Variants in KLRG2 observed in about 807,000 individuals in gnomAD.
KLRG2 encodes killer cell lectin-like receptor subfamily G member 2.
In KLRG2, 39 loss-of-function variants were observed where a neutral mutation model predicts 35.4. That is an observed-to-expected ratio of 1.10 (90% CI 0.85 to 1.44). The LOEUF is 1.44. Ranked by LOEUF, KLRG2 falls within the 40% of genes most tolerant of loss-of-function variation. KLRG2 has a pLI of 0.00. For missense variants in KLRG2, 632 were observed against 570.9 expected (o/e 1.11, Z -1.09); for synonymous variants, 283 against 265.8 (o/e 1.06, Z -0.63).
At chr7:139,472,968 G>C (rs1431522305) in intron 3 of KLRG2, among the ~76,000 whole-genome samples, 1 of 152,210 alleles carries the variant, frequency 6.6e-6, no homozygotes, top group African/African-American at 2.4e-5. Flanking sequence ...ACAGGGTTCA[G>C]TTAAGGGTGA....
the KLRG2 span, among the ~76,000 whole-genome samples, chr7:139,427,440 G>A: frequency 6.6e-6 from 1 of 152,158 alleles, no homozygotes; most frequent in Non-Finnish European, 1.5e-5. Flanking sequence ...TAAGAGATGG[G>A]GCCAGCCAAG....
At chr7:139,444,445 T>C in the KLRG2 span, among the ~76,000 whole-genome samples, 3 of 152,162 alleles carry the variant, frequency 2.0e-5, no homozygotes, top group Non-Finnish European at 2.9e-5. Context: ...GTCTCCCAAA[T>C]TGCTGGTATT....
At chr7:139,465,757 A>G (rs1796643207) in intron 3 of KLRG2, among the ~76,000 whole-genome samples, 1 of 152,108 alleles carries the variant, frequency 6.6e-6, no homozygotes, top group South Asian at 2.1e-4. Context: ...GCAGCCATCA[A>G]AAGGCATCAG....
At position 139,453,473 on chromosome 7, in the gene KLRG2, G is replaced by A. The variant is rs1371806688; in HGVS notation, c.*114C>T. 9.7e-6 allele frequency: 11 copies of A among 1,129,150 alleles called. No homozygotes were observed. The Admixed American group carries it at 1.7e-4, about 18-fold the overall frequency. The allele number at this position is 1,129,150 out of a possible 1,614,324, so 69.9% of individuals were successfully genotyped here. ...CGCTCATGTGGCCCCCTTGAGCAGA[G>A]CATGAAGACCTGGATAACTGGGTCC... On this transcript the variant is annotated 3_prime_UTR_variant, in exon 5 of 5. Transcript: ENST00000340940.
chr7:139,437,400 G>A, the KLRG2 span, among the ~76,000 whole-genome samples: 36 of 141,740 alleles, frequency 2.5e-4, no homozygotes, highest in Middle Eastern at 3.6e-3. Flanking sequence ...ACTCCAGCCC[G>A]GGCAGCTGAG....
chr7:139,432,333 A>T, the KLRG2 span, among the ~76,000 whole-genome samples: 1 of 152,096 alleles, frequency 6.6e-6, no homozygotes, highest in Non-Finnish European at 1.5e-5. Context: ...AGCCCAGTCA[A>T]CAGAGAGGGA....
chr7:139,467,678 A>G (rs539964047), intron 3 of KLRG2, among the ~76,000 whole-genome samples: 1 of 150,890 alleles, frequency 6.6e-6, no homozygotes, highest in East Asian at 1.9e-4. Context: ...AATCTCAAGT[A>G]CCCAGGGACA....
the KLRG2 span, among the ~76,000 whole-genome samples, chr7:139,443,331 C>T: frequency 6.6e-6 from 1 of 151,536 alleles, no homozygotes; most frequent in Admixed American, 6.6e-5. Flanking sequence ...AGTGATCCAC[C>T]CGCCTTGGCC....
chr7:139,466,839 T>TA lies in KLRG2; in HGVS notation c.1006-12626dup, dbSNP rs780530961. Among the ~76,000 whole-genome samples the TA allele has an allele frequency of 4.7e-3, 528 of 111,608 alleles. 1 individual carries two copies. Among genetic ancestry groups the TA allele is most frequent in the Middle Eastern group, 0.018 (4 of 220 alleles). 73.2% of individuals were successfully genotyped at this position (111,608 alleles called of 152,430 possible). ...CAATCTGGCCTGGTATATGACAACA[T>TA]AAAAAAAAAAAAAAAGCTCAAAGAT... On this transcript the variant is annotated intron_variant, in intron 3 of 4. Coordinates refer to ENST00000340940, the MANE Select transcript of KLRG2 (RefSeq NM_198508.4).
the KLRG2 span, among the ~76,000 whole-genome samples, chr7:139,445,857 G>C: frequency 6.9e-6 from 1 of 144,416 alleles, no homozygotes; most frequent in Admixed American, 6.8e-5. Flanking sequence ...TTGAGACGGA[G>C]TTTCACTCTT....
the KLRG2 span, among the ~76,000 whole-genome samples, chr7:139,436,093 G>C: frequency 2.6e-5 from 4 of 151,976 alleles, no homozygotes; most frequent in Admixed American, 2.6e-4. Context: ...AGTAGAGACA[G>C]GGTTTCACCA....
the KLRG2 span, among the ~76,000 whole-genome samples, chr7:139,430,414 A>T: frequency 2.7e-5 from 4 of 149,554 alleles, no homozygotes; most frequent in South Asian, 8.4e-4. Context: ...AAAAAAAAAA[A>T]GTTAAAACTA....
chr7:139,438,709 C>G, the KLRG2 span, among the ~76,000 whole-genome samples: 2 of 146,330 alleles, frequency 1.4e-5, no homozygotes, highest in East Asian at 3.9e-4. Flanking sequence ...GAGTTTCGCT[C>G]TTGTTGCCCA....
chr7:139,467,656 T>C (rs1585170448), intron 3 of KLRG2, among the ~76,000 whole-genome samples: 1 of 147,898 alleles, frequency 6.8e-6, no homozygotes, highest in Non-Finnish European at 1.5e-5. Flanking sequence ...TTAAGAGTCA[T>C]CACCACTCCC....
intron 3 of KLRG2, among the ~76,000 whole-genome samples, chr7:139,470,190 C>T (rs1452543198): frequency 2.0e-5 from 3 of 151,776 alleles, no homozygotes; most frequent in African/African-American, 4.8e-5. Context: ...CCCAAGTAGC[C>T]GGGACTACAT....
the KLRG2 span, among the ~76,000 whole-genome samples, chr7:139,433,309 TG>T: frequency 2.0e-4 from 24 of 119,926 alleles, no homozygotes; most frequent in African/African-American, 1.4e-3. Flanking sequence ...CTGTGGTGTG[TG>T]GTTTTTTTTT....
intron 3 of KLRG2, among the ~76,000 whole-genome samples, chr7:139,478,647 G>A (rs1164833206): frequency 6.6e-6 from 1 of 152,104 alleles, no homozygotes; most frequent in Non-Finnish European, 1.5e-5. Flanking sequence ...TCCAGCCTGG[G>A]CAACAGAGTG....
the KLRG2 span, among the ~76,000 whole-genome samples, chr7:139,439,163 C>T: frequency 6.6e-6 from 1 of 152,174 alleles, no homozygotes; most frequent in African/African-American, 2.4e-5. Flanking sequence ...TGTCTATCAA[C>T]TGGTGAATGG....
At chr7:139,434,860 T>C in the KLRG2 span, among the ~76,000 whole-genome samples, 1 of 152,154 alleles carries the variant, frequency 6.6e-6, no homozygotes, top group African/African-American at 2.4e-5. Context: ...TGGGAAGCGA[T>C]AATAATACAT....
Sources: gnomAD v4.1 joint callset for allele counts (sites outside exome capture counted in the v4.1 genomes callset) on GRCh38, gnomAD v4.1.1 for gene constraint, MANE v1.5 for transcripts, NCBI Gene and HGNC (gene_info 2026-07-23, HGNC 2026-07-21) for gene names.